Variants in KAZN observed in about 807,000 individuals in gnomAD.
KAZN encodes the protein kazrin, periplakin interacting protein, also known as kazrin.
KAZN carries 40 observed loss-of-function variants against 87.4 expected under a neutral mutation model. That is an observed-to-expected ratio of 0.46 (90% CI 0.36 to 0.60). KAZN has a LOEUF of 0.60. KAZN is among the 20% of genes least tolerant of loss of function. The pLI, the probability that KAZN is intolerant of heterozygous loss-of-function variation, is 0.00. For synonymous variants in KAZN, 466 were observed against 458.3 expected (o/e 1.02, Z -0.22); for missense variants, 898 against 1,073.9 (o/e 0.84, Z 2.29).
chr1:14,380,478 GA>G (rs1048657297), intron 2 of KAZN, among the ~76,000 whole-genome samples: 2 of 152,118 alleles, frequency 1.3e-5, no homozygotes, highest in Non-Finnish European at 2.9e-5. Flanking sequence ...ACACAAAGAA[GA>G]AAATCAGAAT....
intron 2 of KAZN, among the ~76,000 whole-genome samples, chr1:15,011,891 G>C (rs1173872633): frequency 6.6e-6 from 1 of 152,084 alleles, no homozygotes; most frequent in Non-Finnish European, 1.5e-5. Flanking sequence ...GGTGGTGGAC[G>C]CGGCCAGTCC....
chr1:14,383,673 C>A lies in KAZN; in HGVS notation c.249+203081C>A, dbSNP rs369597423. Among the ~76,000 whole-genome samples the A allele has an allele frequency of 4.9e-4, 75 of 152,048 alleles. No individual in the cohort carries two copies. The East Asian group carries it at 0.01, about 21-fold the overall frequency. On this transcript the variant is annotated intron_variant, in intron 2 of 16. Coordinates refer to the KAZN transcript ENST00000636203. ...GGGCTCTGTTCTGTTCCATTGATCT[C>A]TCTCTCTGTTTTGGTACCAGTACCA...
intron 2 of KAZN, among the ~76,000 whole-genome samples, chr1:14,467,616 G>A (rs1668235476): frequency 7.5e-6 from 1 of 132,494 alleles, no homozygotes; most frequent in Admixed American, 8.2e-5. Flanking sequence ...ACATAAATCA[G>A]TTGAAAGCAT....
At chr1:14,652,894 AG>A (rs1485072321) in intron 1 of KAZN, among the ~76,000 whole-genome samples, 12 of 151,718 alleles carry the variant, frequency 7.9e-5, no homozygotes, top group Non-Finnish European at 1.3e-4. Context: ...CAGCTGGGAG[AG>A]AGGGGGGTGC....
At chr1:14,482,473 A>G (rs1050403178) in intron 2 of KAZN, among the ~76,000 whole-genome samples, 7 of 152,196 alleles carry the variant, frequency 4.6e-5, no homozygotes, top group Non-Finnish European at 7.3e-5. Context: ...CTGACCAGTT[A>G]CTTACCTTCT....
At chr1:15,072,608 C>T (rs1214540941) in intron 8 of KAZN, among the ~76,000 whole-genome samples, 2 of 152,224 alleles carry the variant, frequency 1.3e-5, no homozygotes, top group Non-Finnish European at 2.9e-5. Flanking sequence ...CTGTTCTAAG[C>T]TCTTTCCAGA....
In KAZN at chr1:15,101,614, A is replaced by G; in HGVS notation, c.1619A>G (p.Gln540Arg). ...KAWLNDIGLSQYSQAFQNHLV... is the reference protein window; with the variant it reads ...KAWLNDIGLSRYSQAFQNHLV... ...TGGCTGAATGACATTGGCCTGTCCC[A>G]GTACTCCCAGGCCTTTCAGAACCAC... The change falls in exon 11 of 15, where the codon CAG becomes CGG. Residue 540 changes from glutamine (Q) to arginine (R), a missense_variant. Gln to Arg is a conservative substitution (Grantham distance 43). This residue lies in a region of KAZN where 521 missense variants were observed against 689.4 expected (regional missense o/e 0.76). Coordinates refer to ENST00000376030, the MANE Select transcript of KAZN (RefSeq NM_201628.3). 3 of 1,557,996 alleles carry G rather than the reference A, an allele frequency of 1.9e-6. No individual in the cohort carries two copies. Among genetic ancestry groups the G allele is most frequent in the Non-Finnish European group, 2.6e-6 (3 of 1,150,362 alleles).
chr1:13,902,563 G>C (rs1048509620), intron 1 of KAZN, among the ~76,000 whole-genome samples: 4 of 152,162 alleles, frequency 2.6e-5, no homozygotes, highest in African/African-American at 9.7e-5. Flanking sequence ...GGAAGAGGGG[G>C]AATAAAAAGA....
At chr1:14,951,703 C>T (rs1185536047) in intron 1 of KAZN, among the ~76,000 whole-genome samples, 1 of 152,104 alleles carries the variant, frequency 6.6e-6, no homozygotes, top group Non-Finnish European at 1.5e-5. Context: ...ACCTCGAACT[C>T]CTGACCTCAG....
intron 1 of KAZN, among the ~76,000 whole-genome samples, chr1:14,682,260 C>A (rs528643950): frequency 6.6e-6 from 1 of 151,496 alleles, no homozygotes; most frequent in African/African-American, 2.4e-5. Flanking sequence ...ACTTATAATA[C>A]CTTCAAGGTT....
At chr1:14,423,757 A>G (rs1203212216) in intron 2 of KAZN, among the ~76,000 whole-genome samples, 2 of 152,196 alleles carry the variant, frequency 1.3e-5, no homozygotes, top group Admixed American at 6.5e-5. Flanking sequence ...TCACTTCCAC[A>G]TGGACCAGTG....
chr1:14,274,265 G>A (rs925035658), intron 2 of KAZN, among the ~76,000 whole-genome samples: 1 of 152,144 alleles, frequency 6.6e-6, no homozygotes. Context: ...TATGAAATGG[G>A]ATAAGTGGCT....
chr1:14,181,503 C>T (rs920245806), intron 2 of KAZN, among the ~76,000 whole-genome samples: 2 of 152,130 alleles, frequency 1.3e-5, no homozygotes, highest in Non-Finnish European at 2.9e-5. Flanking sequence ...ATCCCGAAGC[C>T]CGGGTCTTGT....
rs1478826560 is a variant in KAZN, at chr1:15,094,281, C to T, written c.1324C>T (p.Pro442Ser). ...GCAGGTGGAGCTGGTGAGGACCACCCCTATGTCCCACTGGAAGGCGGGCAC... is the reference window on the plus strand; with the variant it reads ...GCAGGTGGAGCTGGTGAGGACCACCTCTATGTCCCACTGGAAGGCGGGCAC... ...LQQVELVRTT[P>S]MSHWKAGTVQ... The change falls in exon 9 of 15, where the codon CCT (proline) becomes TCT (serine). Residue 442 changes from proline to serine, a missense_variant. By Grantham distance (74) the Pro-to-Ser change is moderately conservative. Around this residue, in one of 3 missense-constraint regions of KAZN, gnomAD observed 521 missense variants for 689.4 expected, o/e 0.76. Coordinates refer to ENST00000376030, the MANE Select transcript of KAZN (RefSeq NM_201628.3). The surrounding 1 kb of genome is among the most constrained non-coding windows in gnomAD (Gnocchi z 4.5). 12 of 1,613,970 alleles carry T rather than the reference C, an allele frequency of 7.4e-6. No homozygotes were observed. The highest frequency in any genetic ancestry group is 9.3e-6 in the Non-Finnish European group (11 of 1,179,896).
At chr1:14,667,526 C>T (rs1467409204) in intron 1 of KAZN, among the ~76,000 whole-genome samples, 1 of 152,176 alleles carries the variant, frequency 6.6e-6, no homozygotes, top group Non-Finnish European at 1.5e-5. Flanking sequence ...ATGAATTAAT[C>T]CACGACACAG....
At chr1:15,052,708 G>T (rs1273019700) in intron 4 of KAZN, among the ~76,000 whole-genome samples, 1 of 152,148 alleles carries the variant, frequency 6.6e-6, no homozygotes, top group East Asian at 1.9e-4. Flanking sequence ...CCTCTCCATT[G>T]TAGCTCTGCC....
chr1:14,215,922 C>CT (rs1027701602), intron 2 of KAZN, among the ~76,000 whole-genome samples: 2 of 152,228 alleles, frequency 1.3e-5, no homozygotes, highest in African/African-American at 4.8e-5. Context: ...AATTATATTT[C>CT]TTTTTTCCCA....
chr1:14,733,669 G>GA (rs1643784947), intron 1 of KAZN, among the ~76,000 whole-genome samples: 2 of 152,120 alleles, frequency 1.3e-5, no homozygotes, highest in African/African-American at 4.8e-5. Flanking sequence ...TCAGCGTGGG[G>GA]ACTCGGGGGT....
chr1:14,809,187 C>T (rs1331080727), intron 1 of KAZN, among the ~76,000 whole-genome samples: 2 of 152,176 alleles, frequency 1.3e-5, no homozygotes, highest in Admixed American at 1.3e-4. Flanking sequence ...GGGCTGAGCA[C>T]ATTACCTCCC....
Sources: allele counts gnomAD v4.1 joint callset (sites outside exome capture counted in the v4.1 genomes callset), GRCh38; gene constraint gnomAD v4.1.1; regional missense constraint gnomAD v4.1.1; non-coding constraint Gnocchi (gnomAD v3.1); transcripts MANE v1.5; gene names NCBI Gene and HGNC (gene_info 2026-07-23, HGNC 2026-07-21).